Variants in DNAH17 observed in about 807,000 individuals in gnomAD.
DNAH17 encodes dynein axonemal heavy chain 17.
A neutral mutation model predicts 485.6 loss-of-function variants in DNAH17; 376 were observed. The observed-to-expected ratio is 0.77, with a 90% CI of 0.71 to 0.84. DNAH17 has a LOEUF of 0.84. DNAH17 is among the 40% of genes least tolerant of loss of function. The pLI is 0.00. For missense variants in DNAH17, 6,370 were observed against 5,839.3 expected (o/e 1.09, Z -2.96); for synonymous variants, 3,031 against 2,405.9 (o/e 1.26, Z -7.60).
chr17:78,466,326 A>G (rs1457436369), intron 56 of DNAH17, among the ~76,000 whole-genome samples: 1 of 152,206 alleles, frequency 6.6e-6, no homozygotes, highest in African/African-American at 2.4e-5. Context: ...TCCTCTGCCT[A>G]GGAAAACCAG....
intron 18 of DNAH17, among the ~76,000 whole-genome samples, chr17:78,537,893 C>G (rs2091419721): frequency 6.6e-6 from 1 of 152,198 alleles, no homozygotes; most frequent in Non-Finnish European, 1.5e-5. Context: ...AATCCCAGCA[C>G]TTTGGGAGGC....
At chr17:78,454,907 G>A (rs910708263) in intron 63 of DNAH17, among the ~76,000 whole-genome samples, 9 of 151,446 alleles carry the variant, frequency 5.9e-5, no homozygotes, top group South Asian at 2.1e-4. Context: ...CAGCAACACC[G>A]GGCCACGTTT....
At chr17:78,435,855 G>A (rs754936332) in intron 74 of DNAH17, among the ~76,000 whole-genome samples, 32 of 152,176 alleles carry the variant, frequency 2.1e-4, no homozygotes, top group Non-Finnish European at 4.4e-4. Context: ...ACGTATCCTC[G>A]CGCCCCTCAG....
intron 16 of DNAH17, among the ~76,000 whole-genome samples, chr17:78,544,276 G>A (rs1183599156): frequency 2.6e-5 from 4 of 152,330 alleles, no homozygotes; most frequent in East Asian, 3.9e-4. Flanking sequence ...GGGCCAGAAT[G>A]GGGTCACTCT....
intron 25 of DNAH17, among the ~76,000 whole-genome samples, chr17:78,516,328 G>A (rs998146071): frequency 6.6e-6 from 1 of 152,138 alleles, no homozygotes; most frequent in African/African-American, 2.4e-5. Context: ...ACAATTTTTT[G>A]TCATGGGAAA....
At chr17:78,545,999 G>A (rs1200140924) in intron 16 of DNAH17, among the ~76,000 whole-genome samples, 7 of 151,836 alleles carry the variant, frequency 4.6e-5, no homozygotes, top group Non-Finnish European at 1.0e-4. Context: ...CTTTGAAACA[G>A]GGTCGTGCTT....
intron 66 of DNAH17, among the ~76,000 whole-genome samples, 196 bp downstream of exon 66, chr17:78,451,273 G>C (rs1025323760): frequency 6.6e-6 from 1 of 152,214 alleles, no homozygotes; most frequent in Non-Finnish European, 1.5e-5. Context: ...AGCAGGAAGA[G>C]GGGACAGCTG....
chr17:78,528,758 T>G (rs965736280), intron 22 of DNAH17, among the ~76,000 whole-genome samples: 1 of 152,044 alleles, frequency 6.6e-6, no homozygotes, highest in Non-Finnish European at 1.5e-5. Context: ...CCCTCCACGC[T>G]GACAGCTGAG....
intron 17 of DNAH17, among the ~76,000 whole-genome samples, chr17:78,543,033 A>G (rs867798597): frequency 3.8e-4 from 58 of 152,378 alleles, no homozygotes; most frequent in African/African-American, 1.3e-3. Context: ...CAGGCCCATC[A>G]TAAGAGGAAC....
intron 22 of DNAH17, among the ~76,000 whole-genome samples, chr17:78,528,738 C>G (rs1390859016): frequency 6.6e-6 from 1 of 152,162 alleles, no homozygotes; most frequent in African/African-American, 2.4e-5. Flanking sequence ...CTCGCCCAGC[C>G]TGCACACACC....
At chr17:78,432,115 G>C (rs944906187) in intron 75 of DNAH17, among the ~76,000 whole-genome samples, 3 of 151,900 alleles carry the variant, frequency 2.0e-5, no homozygotes, top group African/African-American at 7.3e-5. Context: ...GGAGGTTAAG[G>C]CTGCAGTGAG....
In DNAH17 at chr17:78,494,995, G is replaced by A; in HGVS notation, c.6006C>T (p.Thr2002=). Residue 2002 remains threonine (T), a synonymous_variant, in exon 39 of 81, where the codon ACC becomes ACT. Coordinates refer to ENST00000389840, the MANE Select transcript of DNAH17 (RefSeq NM_173628.4). ...GCAGCTCCTTGCACAAGGTGTACAGGGTGATGAACTTCCTGGCCAGAAGGC... is the reference window on the plus strand; with the variant it reads ...GCAGCTCCTTGCACAAGGTGTACAGAGTGATGAACTTCCTGGCCAGAAGGC... ...EARLLARKFI[T]LYTLCKELLS... The A allele has an allele frequency of 1.9e-6, 3 of 1,613,306 alleles. No homozygotes were observed. Among genetic ancestry groups the A allele is most frequent in the African/African-American group, 1.3e-5 (1 of 75,050 alleles).
intron 44 of DNAH17, chr17:78,489,694 C>T (rs1598566291): frequency 6.6e-6 from 1 of 152,116 alleles, no homozygotes. Flanking sequence ...TCCTCCCCCA[C>T]GGTGCTGGTT....
At chr17:78,482,514 C>T (rs73379437) in intron 48 of DNAH17, among the ~76,000 whole-genome samples, 4,561 of 152,276 alleles carry the variant, frequency 0.03, 212 homozygotes, top group African/African-American at 0.1. Flanking sequence ...AATTCCTTAA[C>T]TTTCATTTAA....
chr17:78,549,236 C>T (rs2091846199), intron 16 of DNAH17, among the ~76,000 whole-genome samples: 1 of 152,192 alleles, frequency 6.6e-6, no homozygotes, highest in Non-Finnish European at 1.5e-5. Flanking sequence ...GGGCCCACCC[C>T]TGATGAGGTT....
chr17:78,500,269 G>C (rs755045581), intron 36 of DNAH17, 36 bp downstream of exon 36: 1 of 1,579,018 alleles, frequency 6.3e-7, no homozygotes, highest in African/African-American at 1.4e-5. Context: ...TATAAAAGAA[G>C]ACTCTGGGTC....
At chr17:78,502,041 G>C (rs2090314601) in intron 33 of DNAH17, 168 bp from the exon 34 acceptor site, 1 of 942,400 alleles carries the variant, frequency 1.1e-6, no homozygotes, top group East Asian at 2.7e-5. Context: ...GGTTTCACCA[G>C]GGTGCGGCCC....
chr17:78,435,939 A>G (rs2086838251), intron 74 of DNAH17, among the ~76,000 whole-genome samples: 1 of 152,116 alleles, frequency 6.6e-6, no homozygotes, highest in African/African-American at 2.4e-5. Flanking sequence ...TATTTTAAAC[A>G]TTTGTTTTTC....
At chr17:78,564,121 T>TG (rs1002677759) in intron 11 of DNAH17, among the ~76,000 whole-genome samples, 10 of 152,150 alleles carry the variant, frequency 6.6e-5, no homozygotes, top group Non-Finnish European at 1.3e-4. Flanking sequence ...CAGGACCTCC[T>TG]GCTCCTCACA....
Sources: allele counts gnomAD v4.1 joint callset (sites outside exome capture counted in the v4.1 genomes callset), GRCh38; gene constraint gnomAD v4.1.1; transcripts MANE v1.5; gene names NCBI Gene and HGNC (gene_info 2026-07-23, HGNC 2026-07-21).